MBD5: variants seen among roughly 807,000 people sequenced by gnomAD.
The protein encoded by MBD5 is methyl-CpG binding domain protein 5.
A neutral mutation model predicts 117.3 loss-of-function variants in MBD5; 13 were observed. The observed-to-expected ratio is 0.11, with a 90% CI of 0.07 to 0.18. The LOEUF is 0.18. Among genes scored for constraint, MBD5 ranks in the 10% least tolerant of loss-of-function variants. The probability of loss-of-function intolerance (pLI) is 1.00; values close to 1 mark genes in which losing one functional copy is unlikely to be tolerated. For synonymous variants in MBD5, 727 were observed against 766.4 expected, an observed-to-expected ratio of 0.95 and a Z score of 0.85; for missense variants, 1,879 against 2,093.8, an observed-to-expected ratio of 0.90 and a Z score of 2.00.
intron 4 of MBD5, among the ~76,000 whole-genome samples, chr2:148,375,144 T>G (rs1703958064): frequency 6.6e-6 from 1 of 152,220 alleles, no homozygotes; most frequent in Non-Finnish European, 1.5e-5. Flanking sequence ...ACTTTATGGT[T>G]TCATAGCATA....
Position 148,474,167 on chromosome 2 carries a change from C to T in MBD5, c.2518+3706C>T, listed in dbSNP as rs371212839. 1.4e-4 allele frequency among the ~76,000 whole-genome samples: 21 copies of T among 152,216 alleles called. No homozygotes were observed. In the East Asian group the frequency reaches 3.9e-3, roughly 28 times the overall value. On this transcript the variant is annotated intron_variant, in intron 8 of 13. Coordinates refer to ENST00000642680, the MANE Select transcript of MBD5 (RefSeq NM_001378120.1). The stretch of plus-strand genomic sequence containing the variant: ...GCATGTGAGTAGCTATAGCACATGT[C>T]CTATAATATTATGACTTAAGGAAGA...
intron 4 of MBD5, among the ~76,000 whole-genome samples, chr2:148,356,728 C>G (rs1292937937): frequency 6.6e-5 from 10 of 151,994 alleles, no homozygotes; most frequent in Non-Finnish European, 1.0e-4. Flanking sequence ...TCCAACTCTC[C>G]ATTATATAAA....
chr2:148,512,359 A>G (rs1682245467), intron 13 of MBD5: 1 of 178,002 alleles, frequency 5.6e-6, no homozygotes, highest in Admixed American at 5.4e-5. Flanking sequence ...CTTATGAACA[A>G]ACATCCTTGG....
intron 1 of MBD5, among the ~76,000 whole-genome samples, chr2:148,174,908 A>G (rs1333562220): frequency 6.6e-6 from 1 of 152,168 alleles, no homozygotes; most frequent in Non-Finnish European, 1.5e-5. Flanking sequence ...TAAACTAAAA[A>G]TAGAATTATC....
At chr2:148,412,796 T>C (rs993116540) in intron 4 of MBD5, among the ~76,000 whole-genome samples, 4 of 152,172 alleles carry the variant, frequency 2.6e-5, no homozygotes, top group Admixed American at 6.5e-5. Flanking sequence ...TTTTTGTACA[T>C]TGATTTTGTG....
chr2:148,058,115 T>C (rs1223654016), intron 1 of MBD5, among the ~76,000 whole-genome samples: 1 of 152,030 alleles, frequency 6.6e-6, no homozygotes, highest in East Asian at 1.9e-4. Context: ...CTCACCTCCC[T>C]ACCCTTTACT....
chr2:148,429,194 G>A (rs1394170813), intron 4 of MBD5, among the ~76,000 whole-genome samples: 4 of 151,948 alleles, frequency 2.6e-5, no homozygotes, highest in Non-Finnish European at 5.9e-5. Flanking sequence ...AAAATATGAA[G>A]AGACACTTCT....
At chr2:148,028,225 AG>A in intron 1 of MBD5, 1 of 152,074 alleles carries the variant, frequency 6.6e-6, no homozygotes, top group East Asian at 1.9e-4. Context: ...ATTGTTTTAA[AG>A]GACTAATATG....
chr2:148,373,929 C>T (rs1196219714), intron 4 of MBD5, among the ~76,000 whole-genome samples: 1 of 151,960 alleles, frequency 6.6e-6, no homozygotes, highest in African/African-American at 2.4e-5. Context: ...CATCCATAAC[C>T]CAAAAAATCC....
chr2:148,306,983 A>G (rs1200545281), intron 3 of MBD5, among the ~76,000 whole-genome samples: 11 of 152,168 alleles, frequency 7.2e-5, no homozygotes, highest in Non-Finnish European at 1.3e-4. Context: ...TTAACATGTC[A>G]AATACACCAA....
At chr2:148,220,882 T>G (rs891504984) in intron 2 of MBD5, among the ~76,000 whole-genome samples, 1 of 152,140 alleles carries the variant, frequency 6.6e-6, no homozygotes, top group African/African-American at 2.4e-5. Context: ...TAATTCATTC[T>G]TTCTAGGAGT....
chr2:148,324,174 A>C (rs1375085808), intron 3 of MBD5, among the ~76,000 whole-genome samples: 1 of 151,970 alleles, frequency 6.6e-6, no homozygotes, highest in Non-Finnish European at 1.5e-5. Context: ...GTTATTTCTG[A>C]GGGCTCTGTT....
At chr2:148,255,699 C>G (rs10199661) in intron 3 of MBD5, among the ~76,000 whole-genome samples, 1,956 of 152,308 alleles carry the variant, frequency 0.013, 36 homozygotes, top group African/African-American at 0.044. Context: ...CTTTCCGTGG[C>G]CATTCATTCG....
chr2:148,314,036 C>T (rs1431467906), intron 3 of MBD5, among the ~76,000 whole-genome samples: 1 of 151,940 alleles, frequency 6.6e-6, no homozygotes, highest in East Asian at 1.9e-4. Context: ...AATCACCCGC[C>T]TTCTGCATTG....
intron 4 of MBD5, among the ~76,000 whole-genome samples, chr2:148,407,203 A>G (rs777442799): frequency 6.6e-5 from 10 of 152,244 alleles, no homozygotes; most frequent in Non-Finnish European, 1.2e-4. Flanking sequence ...AAAAAGATGA[A>G]CATAAATGTT....
At chr2:148,111,423 T>C (rs1450679154) in intron 1 of MBD5, among the ~76,000 whole-genome samples, 1 of 151,904 alleles carries the variant, frequency 6.6e-6, no homozygotes, top group Non-Finnish European at 1.5e-5. Flanking sequence ...GTTAGTGATG[T>C]GAAAAACCAA....
chr2:148,466,509 A>C (rs1707264140), intron 7 of MBD5, among the ~76,000 whole-genome samples: 1 of 152,134 alleles, frequency 6.6e-6, no homozygotes, highest in Admixed American at 6.6e-5. Context: ...ACCCAAGAAA[A>C]AATGCAAGTA....
chr2:148,463,601 T>C (rs978715382), intron 6 of MBD5, 138 bp from the exon 7 acceptor site: 3 of 936,572 alleles, frequency 3.2e-6, no homozygotes, highest in Non-Finnish European at 5.0e-6. Flanking sequence ...TTATATAAAG[T>C]TGCCTTTCTT....
chr2:148,367,251 C>T (rs966292310), intron 4 of MBD5, among the ~76,000 whole-genome samples: 2 of 151,974 alleles, frequency 1.3e-5, no homozygotes, highest in Non-Finnish European at 2.9e-5. Flanking sequence ...TAATAAATGG[C>T]GTTGGGAAAA....
Sources: allele counts gnomAD v4.1 joint callset (sites outside exome capture counted in the v4.1 genomes callset), GRCh38; gene constraint gnomAD v4.1.1; transcripts MANE v1.5; gene names NCBI Gene and HGNC (gene_info 2026-07-23, HGNC 2026-07-21).